Variants in UHRF2 observed in about 807,000 individuals in gnomAD.
UHRF2 encodes E3 ubiquitin-protein ligase UHRF2.
A neutral mutation model predicts 96.8 loss-of-function variants in UHRF2; 23 were observed. The observed-to-expected ratio is 0.24, with a 90% confidence interval of 0.17 to 0.34. The LOEUF (loss-of-function observed/expected upper bound fraction) is 0.34. UHRF2 is among the 10% of genes least tolerant of loss of function. UHRF2 has a pLI of 1.00. For synonymous variants in UHRF2, 385 were observed against 332.6 expected (o/e 1.16, Z -1.72); for missense variants, 685 against 981.5 (o/e 0.70, Z 4.04).
chr9:6,472,620 T>G (rs1169458915), intron 4 of UHRF2, among the ~76,000 whole-genome samples: 1 of 152,254 alleles, frequency 6.6e-6, no homozygotes, highest in African/African-American at 2.4e-5. Flanking sequence ...AAAATATTTT[T>G]ACATTTAGAA....
chr9:6,470,256 C>G (rs1209422076), intron 4 of UHRF2, among the ~76,000 whole-genome samples: 1 of 151,832 alleles, frequency 6.6e-6, no homozygotes, highest in African/African-American at 2.4e-5. Context: ...ACCTGTAACC[C>G]CAGCTATTTG....
rs1824808845 is a variant in UHRF2 at position 6,493,712 on chromosome 9, C to T, written c.1498-114C>T. ...TTTTGCATTATTTTGGGAGATGCCTCAAGAGAAAATGTCAACTCATAACAT... is the reference window on the plus strand; with the variant it reads ...TTTTGCATTATTTTGGGAGATGCCTTAAGAGAAAATGTCAACTCATAACAT... On this transcript the variant is annotated intron_variant, in intron 9 of 15. Transcript: ENST00000276893. The T allele has an allele frequency of 1.2e-5, 11 of 897,668 alleles. No individual in the cohort carries two copies. In the South Asian group the frequency reaches 2.1e-4, roughly 17 times the overall value. 55.6% of individuals were successfully genotyped at this position (897,668 alleles called of 1,614,324 possible).
At chr9:6,438,664 G>A (rs778914077) in intron 3 of UHRF2, among the ~76,000 whole-genome samples, 1 of 152,172 alleles carries the variant, frequency 6.6e-6, no homozygotes, top group Non-Finnish European at 1.5e-5. Flanking sequence ...ACCTGCCTCT[G>A]GAATTATTCT....
chr9:6,494,965 ATTC>A (rs1182934223), intron 10 of UHRF2: 1 of 152,220 alleles, frequency 6.6e-6, no homozygotes, highest in African/African-American at 2.4e-5. Context: ...TGGTGAAAAC[ATTC>A]TTGAGACAGG....
intron 3 of UHRF2, among the ~76,000 whole-genome samples, chr9:6,448,184 T>C (rs1160739979): frequency 6.6e-6 from 1 of 152,010 alleles, no homozygotes; most frequent in Non-Finnish European, 1.5e-5. Context: ...AAAGACAGAG[T>C]ACCTAAGATG....
intron 4 of UHRF2, among the ~76,000 whole-genome samples, chr9:6,464,407 A>T (rs2130858446): frequency 6.6e-6 from 1 of 152,140 alleles, no homozygotes; most frequent in African/African-American, 2.4e-5. Flanking sequence ...ACGATGTTTG[A>T]ATAGTAGTTT....
intron 2 of UHRF2, among the ~76,000 whole-genome samples, chr9:6,423,204 C>T (rs994124335): frequency 2.0e-5 from 3 of 152,156 alleles, no homozygotes; most frequent in African/African-American, 7.2e-5. Context: ...AGATTAGAAC[C>T]ATGTTTCCAA....
At position 6,421,094 on chromosome 9, in the gene UHRF2, T is replaced by G. The variant is rs1218235780; in HGVS notation, c.336T>G (p.Ser112=). 6.2e-7 allele frequency: 1 copy of G among 1,614,064 alleles called. No homozygotes were observed. The highest frequency in any genetic ancestry group is 1.3e-5 in the African/African-American group (1 of 74,934). ...GGGTAGGACCTTCCAATCAGCCATC[T>G]ACATCAGCTCGTGCCCGTCTTATTG... ...APRVGPSNQP[S]TSARARLIDP... The change falls in exon 2 of 16, where the codon TCT becomes TCG. Residue 112 remains serine, a synonymous_variant. Coordinates refer to ENST00000276893, the MANE Select transcript of UHRF2 (RefSeq NM_152896.3).
At chr9:6,497,052 A>T (rs1825013766) in intron 10 of UHRF2, 146 bp from the exon 11 acceptor site, 1 of 779,694 alleles carries the variant, frequency 1.3e-6, no homozygotes, top group Non-Finnish European at 1.9e-6. Flanking sequence ...GGGAAAGCAT[A>T]ATCCTATTAT....
intron 4 of UHRF2, among the ~76,000 whole-genome samples, chr9:6,466,046 A>G (rs1162409093): frequency 1.3e-5 from 2 of 152,338 alleles, no homozygotes; most frequent in East Asian, 1.9e-4. Context: ...GCTGATTTAG[A>G]TATTTGTAAG....
At chr9:6,448,738 T>A (rs1200896798) in intron 3 of UHRF2, among the ~76,000 whole-genome samples, 1 of 152,188 alleles carries the variant, frequency 6.6e-6, no homozygotes, top group African/African-American at 2.4e-5. Context: ...AATGGAAAGT[T>A]TTCGCCTCTT....
intron 2 of UHRF2, among the ~76,000 whole-genome samples, chr9:6,421,637 GAACT>G (rs1183023257): frequency 6.6e-6 from 1 of 152,010 alleles, no homozygotes. Flanking sequence ...GGCTAGTCTC[GAACT>G]CCTGACCTCA....
chr9:6,453,599 G>A (rs993731600), intron 3 of UHRF2, among the ~76,000 whole-genome samples: 1 of 152,146 alleles, frequency 6.6e-6, no homozygotes, highest in Admixed American at 6.5e-5. Flanking sequence ...GAAACAACAC[G>A]AGTGTATAAA....
At chr9:6,446,727 C>A (rs1322392337) in intron 3 of UHRF2, among the ~76,000 whole-genome samples, 2 of 151,592 alleles carry the variant, frequency 1.3e-5, no homozygotes, top group Non-Finnish European at 2.9e-5. Flanking sequence ...CACCTGTAGT[C>A]CCAGCTACTT....
chr9:6,424,347 A>G (rs1820114444), intron 2 of UHRF2, among the ~76,000 whole-genome samples: 1 of 147,458 alleles, frequency 6.8e-6, no homozygotes, highest in South Asian at 2.3e-4. Flanking sequence ...AGACTTATGT[A>G]AATTAAAACA....
intron 2 of UHRF2, among the ~76,000 whole-genome samples, chr9:6,430,338 T>G (rs1820497989): frequency 6.7e-6 from 1 of 150,292 alleles, no homozygotes; most frequent in Non-Finnish European, 1.5e-5. Context: ...TTGATGTGAA[T>G]GAATGCAGCT....
chr9:6,481,535 C>T (rs1053179237), intron 6 of UHRF2, 108 bp from the exon 7 acceptor site: 2 of 1,309,670 alleles, frequency 1.5e-6, no homozygotes, highest in Non-Finnish European at 2.1e-6. Flanking sequence ...GTAATGTATA[C>T]CAAATAATAC....
intron 3 of UHRF2, among the ~76,000 whole-genome samples, chr9:6,445,979 C>T (rs535874137): frequency 1.1e-5 from 1 of 90,068 alleles, no homozygotes; most frequent in African/African-American, 4.7e-5. Flanking sequence ...CCCCCCGCCA[C>T]CCTTTTTTTT....
At chr9:6,497,477 C>A in intron 11 of UHRF2, 117 bp downstream of exon 11, 1 of 1,157,396 alleles carries the variant, frequency 8.6e-7, no homozygotes, top group Non-Finnish European at 1.2e-6. Flanking sequence ...TATATTGCTA[C>A]TTTTTCTGGA....
Sources: allele counts gnomAD v4.1 joint callset (sites outside exome capture counted in the v4.1 genomes callset), GRCh38; gene constraint gnomAD v4.1.1; transcripts MANE v1.5; gene names NCBI Gene and HGNC (gene_info 2026-07-23, HGNC 2026-07-21).